The following BAZ1B variants were observed in gnomAD, a reference collection of about 807,000 sequenced individuals.
BAZ1B encodes tyrosine-protein kinase BAZ1B.
In BAZ1B, 22 loss-of-function variants were observed where a neutral mutation model predicts 153.8. The observed-to-expected ratio is 0.14, with a 90% CI of 0.10 to 0.20. BAZ1B has a LOEUF of 0.20. BAZ1B is among the 10% of genes least tolerant of loss of function. The probability of loss-of-function intolerance (pLI) is 1.00; values close to 1 mark genes in which losing one functional copy is unlikely to be tolerated. For synonymous variants in BAZ1B, 676 were observed against 633.4 expected (o/e 1.07, Z -1.01); for missense variants, 1,325 against 1,799.3 (o/e 0.74, Z 4.77).
chr7:73,510,703 A>T, intron 2 of BAZ1B, 33 bp downstream of exon 2: 4 of 1,570,708 alleles, frequency 2.5e-6, no homozygotes, highest in Non-Finnish European at 3.5e-6. Flanking sequence ...CAATGTGAAG[A>T]TGGTGGCAAA....
chr7:73,488,101 T>C (rs371254350), intron 6 of BAZ1B, among the ~76,000 whole-genome samples: 5 of 152,210 alleles, frequency 3.3e-5, no homozygotes, highest in Admixed American at 6.5e-5. Context: ...ATCCTGGAAA[T>C]GTGACCTAGT....
intron 7 of BAZ1B, among the ~76,000 whole-genome samples, chr7:73,475,426 T>C (rs1217369195): frequency 6.6e-6 from 1 of 152,198 alleles, no homozygotes; most frequent in Non-Finnish European, 1.5e-5. Flanking sequence ...TGCTACAACA[T>C]GGATGAACCT....
At chr7:73,470,817 C>A (rs782326138) in intron 7 of BAZ1B, among the ~76,000 whole-genome samples, 2 of 152,092 alleles carry the variant, frequency 1.3e-5, no homozygotes, top group Non-Finnish European at 2.9e-5. Flanking sequence ...CTCACTGCAA[C>A]CTCTGCCTCC....
At chr7:73,461,785 A>G (rs2116281681) in intron 12 of BAZ1B, among the ~76,000 whole-genome samples, 1 of 152,356 alleles carries the variant, frequency 6.6e-6, no homozygotes, top group African/African-American at 2.4e-5. Flanking sequence ...TAAAAATCAC[A>G]AAACTATAAG....
chr7:73,507,727 G>A (rs1790400482), intron 3 of BAZ1B, among the ~76,000 whole-genome samples: 1 of 152,202 alleles, frequency 6.6e-6, no homozygotes, highest in Non-Finnish European at 1.5e-5. Flanking sequence ...GGCCAAGAGT[G>A]ATGGCACATG....
At chr7:73,456,787 C>CA (rs113141522) in intron 13 of BAZ1B, among the ~76,000 whole-genome samples, 17 of 149,566 alleles carry the variant, frequency 1.1e-4, no homozygotes, top group Admixed American at 6.7e-4. Context: ...ACTAAAACTA[C>CA]AAAAAAAAAT....
Position 73,449,125 on chromosome 7 carries a change from T to C in BAZ1B, c.3728+417A>G, listed in dbSNP as rs1482499901. On this transcript the variant is annotated intron_variant, in intron 15 of 19. Transcript: ENST00000339594. ...TTGTAGGATGAGGGAGAGATGTTCA[T>C]TTCCAAGTTGACACCCAAGTTCTAC... Among the ~76,000 whole-genome samples the C allele has an allele frequency of 3.9e-5, 6 of 152,268 alleles. No homozygotes were observed. The East Asian group carries it at 7.7e-4, about 20-fold the overall frequency.
rs1461313426 is a variant in BAZ1B, at chr7:73,450,023, CT to C, written c.3581-335del. ...TTCGACCTCCCCAAACGTTTCTCAA[CT>C]TATGCCTGATGAGTGTTCTCTCTCT... On this transcript the variant is annotated intron_variant, in intron 14 of 19. Coordinates refer to ENST00000339594, the MANE Select transcript of BAZ1B (RefSeq NM_032408.4). This position sits in a 1 kb window ranked among gnomAD's most constrained non-coding sequence, Gnocchi z 4.1. Among the ~76,000 whole-genome samples, 3 of 151,966 alleles carry C rather than the reference CT, an allele frequency of 2.0e-5. No individual in the cohort carries two copies. Among genetic ancestry groups the C allele is most frequent in the Non-Finnish European group, 4.4e-5 (3 of 67,988 alleles).
rs190976920 is a variant in BAZ1B, at chr7:73,506,107, T to A, written c.369+2220A>T. On this transcript the variant is annotated intron_variant, in intron 3 of 19. Transcript: ENST00000339594. ...CAACTGTTTAGTTTTTTCTCCTGAA[T>A]CTTACTTTCAGCTGTTACAAGATTA... is the stretch of plus-strand genomic sequence containing the variant. 6.6e-5 allele frequency among the ~76,000 whole-genome samples: 10 copies of A among 152,342 alleles called. No homozygotes were observed. The East Asian group carries it at 1.9e-3, about 29-fold the overall frequency.
intron 1 of BAZ1B, among the ~76,000 whole-genome samples, chr7:73,520,954 T>TA (rs540858210): frequency 3.3e-5 from 5 of 151,792 alleles, no homozygotes; most frequent in African/African-American, 7.2e-5. Flanking sequence ...TGGCACCCAT[T>TA]AAAAAAAAGC....
At chr7:73,516,178 T>C (rs1166267735) in intron 1 of BAZ1B, among the ~76,000 whole-genome samples, 1 of 152,078 alleles carries the variant, frequency 6.6e-6, no homozygotes, top group Non-Finnish European at 1.5e-5. Context: ...TTTTCTTTTT[T>C]ATTATTTATT....
At position 73,489,329 on chromosome 7, in the gene BAZ1B, T is replaced by G. The variant is rs1463079787; in HGVS notation, c.756A>C (p.Ile252=). ...CATTATGCCGTATAAAGTATCGAAC[T>G]ATCTCCTTATTTGGTGGGCGCTCTG... ...IRTERPPNKE[I]VRYFIRHNAL... is the part of the protein sequence containing the mutation. The change falls in exon 6 of 20, where the codon ATA becomes ATC. Residue 252 remains isoleucine, a synonymous_variant. Coordinates refer to ENST00000339594, the MANE Select transcript of BAZ1B (RefSeq NM_032408.4). The G allele has an allele frequency of 1.9e-6, 3 of 1,614,094 alleles. No individual in the cohort carries two copies. The highest frequency in any genetic ancestry group is 2.5e-6 in the Non-Finnish European group (3 of 1,180,050).
chr7:73,479,647 A>G (rs2116344835), intron 6 of BAZ1B, among the ~76,000 whole-genome samples: 1 of 152,104 alleles, frequency 6.6e-6, no homozygotes, highest in South Asian at 2.1e-4. Context: ...AGAACCTTAA[A>G]TCCATTAATT....
intron 7 of BAZ1B, among the ~76,000 whole-genome samples, chr7:73,471,233 T>C (rs541860101): frequency 1.3e-5 from 2 of 152,348 alleles, no homozygotes; most frequent in South Asian, 2.1e-4. Flanking sequence ...TTTGGCTTAA[T>C]AGCCCTGATG....
At chr7:73,485,568 T>C (rs1789371161) in intron 6 of BAZ1B, among the ~76,000 whole-genome samples, 1 of 148,268 alleles carries the variant, frequency 6.7e-6, no homozygotes, top group African/African-American at 2.5e-5. Flanking sequence ...CAGGTTACAG[T>C]GAGCTATGAT....
chr7:73,515,452 T>TCCCGGAAGAGG (rs1790758304), intron 1 of BAZ1B, among the ~76,000 whole-genome samples: 1 of 152,030 alleles, frequency 6.6e-6, no homozygotes, highest in Non-Finnish European at 1.5e-5. Context: ...CATGATGTCT[T>TCCCGGAAGAGG]CTAGCTCTTT....
At chr7:73,510,484 A>C (rs1554578426) in intron 2 of BAZ1B, among the ~76,000 whole-genome samples, 2 of 152,208 alleles carry the variant, frequency 1.3e-5, no homozygotes, top group African/African-American at 4.8e-5. Flanking sequence ...ACAAGGTCAA[A>C]GTATGGAGCA....
At chr7:73,480,378 T>G (rs1789155723) in intron 6 of BAZ1B, among the ~76,000 whole-genome samples, 1 of 152,130 alleles carries the variant, frequency 6.6e-6, no homozygotes. Flanking sequence ...ATGATACCAC[T>G]GCTTCTCTTT....
At chr7:73,449,998 TTCGACC>T (rs1787976516) in intron 14 of BAZ1B, among the ~76,000 whole-genome samples, 3 of 152,110 alleles carry the variant, frequency 2.0e-5, no homozygotes. Context: ...TTGCTGCTTT[TTCGACC>T]TCCCCAAACG....
Sources: gnomAD v4.1 joint callset for allele counts (sites outside exome capture counted in the v4.1 genomes callset) on GRCh38, gnomAD v4.1.1 for gene constraint, Gnocchi (gnomAD v3.1) non-coding constraint, MANE v1.5 for transcripts, NCBI Gene and HGNC (gene_info 2026-07-23, HGNC 2026-07-21) for gene names.